Variants in KANSL1 observed in about 807,000 individuals in gnomAD.
KANSL1 encodes the protein MLL1/MLL complex subunit KANSL1.
A neutral mutation model predicts 103.6 loss-of-function variants in KANSL1; 22 were observed. That is an observed-to-expected ratio of 0.21 (90% CI 0.15 to 0.30). KANSL1 has a LOEUF of 0.30. Ranked by LOEUF, KANSL1 falls within the 10% of genes least tolerant of loss-of-function variation. KANSL1 has a pLI of 1.00. For missense variants in KANSL1, 1,337 were observed against 1,399.8 expected, an observed-to-expected ratio of 0.96 and a Z score of 0.72; for synonymous variants, 600 against 527.6, an observed-to-expected ratio of 1.14 and a Z score of -1.88.
chr17:46,087,670 AGAG>A (rs376627053), intron 3 of KANSL1, among the ~76,000 whole-genome samples: 237 of 152,328 alleles, frequency 1.6e-3, no homozygotes, highest in African/African-American at 5.6e-3. Flanking sequence ...GAGGCTTTAC[AGAG>A]GAGGTCTACA....
intron 1 of KANSL1, among the ~76,000 whole-genome samples, chr17:46,178,944 C>T (rs2046654491): frequency 6.6e-6 from 1 of 152,212 alleles, no homozygotes; most frequent in Non-Finnish European, 1.5e-5. Context: ...CAAGGACAAA[C>T]TTCTACCTAA....
intron 2 of KANSL1, among the ~76,000 whole-genome samples, chr17:46,140,921 T>G (rs1365881389): frequency 6.6e-6 from 1 of 152,198 alleles, no homozygotes; most frequent in East Asian, 1.9e-4. Flanking sequence ...ATATCGCTCA[T>G]GGTAATACAA....
chr17:46,077,588 C>CA, intron 4 of KANSL1, among the ~76,000 whole-genome samples: 1 of 152,264 alleles, frequency 6.6e-6, no homozygotes, highest in South Asian at 2.1e-4. Context: ...GACGGAGTCT[C>CA]ACTCTGTTGC....
intron 4 of KANSL1, among the ~76,000 whole-genome samples, chr17:46,074,244 C>T (rs764521389): frequency 3.9e-5 from 6 of 152,050 alleles, no homozygotes; most frequent in African/African-American, 7.2e-5. Flanking sequence ...TCTGAAAGAG[C>T]GCCCAATACC....
chr17:46,103,454 T>C (rs909639150), intron 2 of KANSL1, among the ~76,000 whole-genome samples: 13 of 152,234 alleles, frequency 8.5e-5, no homozygotes, highest in African/African-American at 3.1e-4. Flanking sequence ...TATATACCAG[T>C]ATATTTTATA....
At chr17:46,191,633 G>C (rs1261931293) in intron 1 of KANSL1, among the ~76,000 whole-genome samples, 1 of 152,194 alleles carries the variant, frequency 6.6e-6, no homozygotes, top group Non-Finnish European at 1.5e-5. Flanking sequence ...TAATTTTATC[G>C]TTTATTTTAA....
chr17:46,214,405 G>A (rs1271780292), intron 1 of KANSL1, among the ~76,000 whole-genome samples: 3 of 152,234 alleles, frequency 2.0e-5, no homozygotes, highest in Non-Finnish European at 4.4e-5. Flanking sequence ...TGTAATGCCA[G>A]CACTTTGGGA....
intron 6 of KANSL1, among the ~76,000 whole-genome samples, chr17:46,054,123 GA>G (rs1002197087): frequency 2.7e-5 from 4 of 147,950 alleles, no homozygotes; most frequent in African/African-American, 7.4e-5. Context: ...TCTCTTAAAA[GA>G]AAAAAAAAAC....
chr17:46,073,108 C>A (rs2078636190), intron 4 of KANSL1, among the ~76,000 whole-genome samples: 1 of 152,194 alleles, frequency 6.6e-6, no homozygotes, highest in Non-Finnish European at 1.5e-5. Context: ...TACTCACTGT[C>A]CCTAGAGACT....
At chr17:46,168,036 G>A (rs1354765182) in intron 2 of KANSL1, among the ~76,000 whole-genome samples, 4 of 152,222 alleles carry the variant, frequency 2.6e-5, no homozygotes, top group African/African-American at 9.7e-5. Context: ...GGGCAAAAGA[G>A]TAAAATACAG....
At chr17:46,082,363 G>C (rs2079016715) in intron 4 of KANSL1, 78 bp downstream of exon 4, 1 of 864,046 alleles carries the variant, frequency 1.2e-6, no homozygotes, top group Admixed American at 2.0e-5. Flanking sequence ...AAGGATCCTA[G>C]TTACAGAGAA....
chr17:46,031,338 C>A lies in KANSL1; in HGVS notation c.*138G>T. The A allele has an allele frequency of 2.3e-5, 19 of 808,956 alleles. No individual in the cohort carries two copies. The highest frequency in any genetic ancestry group is 1.0e-4 in the South Asian group (5 of 50,204). 50.1% of individuals were successfully genotyped at this position (808,956 alleles called of 1,614,324 possible). On this transcript the variant is annotated 3_prime_UTR_variant, in exon 15 of 15. Coordinates refer to ENST00000432791, the MANE Select transcript of KANSL1 (RefSeq NM_015443.4). The stretch of plus-strand genomic sequence containing the variant: ...AAATTAAAACAAGAAAAAAAAATAC[C>A]AAAGTAGGATCTAAATTCCTTAAGT...
At chr17:46,215,508 C>T (rs910730451) in intron 1 of KANSL1, among the ~76,000 whole-genome samples, 5 of 152,150 alleles carry the variant, frequency 3.3e-5, no homozygotes, top group African/African-American at 1.2e-4. Context: ...TACAAGACAA[C>T]AGAAGGTCAC....
chr17:46,110,388 T>G (rs1489120521), intron 2 of KANSL1, among the ~76,000 whole-genome samples: 1 of 152,184 alleles, frequency 6.6e-6, no homozygotes, highest in Admixed American at 6.5e-5. Context: ...ATTCACGAAA[T>G]CCTCATTAAA....
At chr17:46,146,649 CG>C (rs1249593089) in intron 2 of KANSL1, among the ~76,000 whole-genome samples, 1 of 145,710 alleles carries the variant, frequency 6.9e-6, no homozygotes, top group Non-Finnish European at 1.6e-5. Context: ...CCAGCTAAAA[CG>C]GTGAAACCCC....
chr17:46,084,697 TAAAAA>T (rs67108405), intron 3 of KANSL1, among the ~76,000 whole-genome samples: 97 of 74,510 alleles, frequency 1.3e-3, no homozygotes, highest in Non-Finnish European at 1.7e-3. Context: ...TTTTAAAAAT[TAAAAA>T]AAAAAAAAAA....
In KANSL1 at chr17:46,187,001, G is replaced by A. The variant is rs191053048; in HGVS notation, c.-90+5822C>T. 1.6e-3 allele frequency among the ~76,000 whole-genome samples: 240 copies of A among 152,188 alleles called. 1 individual carries two copies. Among genetic ancestry groups the A allele is most frequent in the African/African-American group, 5.6e-3 (234 of 41,504 alleles). On this transcript the variant is annotated intron_variant, in intron 1 of 14. Coordinates refer to ENST00000432791, the MANE Select transcript of KANSL1 (RefSeq NM_015443.4). ...TCCGCCTCGGCCTCCCAAGGTGCTG[G>A]GATTACAGGCATGAGCCACCACACC...
At chr17:46,192,076 A>C (rs2532238) in intron 1 of KANSL1, among the ~76,000 whole-genome samples, 18,591 of 150,076 alleles carry the variant, frequency 0.12, 23 homozygotes, top group Non-Finnish European at 0.19. Context: ...TTCTCCCCTA[A>C]AGCAATCAGT....
intron 1 of KANSL1, among the ~76,000 whole-genome samples, chr17:46,192,196 A>C (rs796195883): frequency 3.6e-4 from 55 of 152,308 alleles, no homozygotes; most frequent in African/African-American, 1.3e-3. Flanking sequence ...ATCGTATGGA[A>C]AACAAACTAT....
Sources: gnomAD v4.1 joint callset for allele counts (sites outside exome capture counted in the v4.1 genomes callset) on GRCh38, gnomAD v4.1.1 for gene constraint, MANE v1.5 for transcripts, NCBI Gene and HGNC (gene_info 2026-07-23, HGNC 2026-07-21) for gene names.